PRKAG2: variants seen among roughly 807,000 people sequenced by gnomAD.
The protein encoded by PRKAG2 is protein kinase AMP-activated non-catalytic subunit gamma 2, also known as 5'-AMP-activated protein kinase subunit gamma-2.
PRKAG2 carries 26 observed loss-of-function variants against 69.6 expected under a neutral mutation model. The ratio of observed to expected loss-of-function variants is 0.37; its 90% CI spans 0.27 to 0.52. PRKAG2 has a LOEUF of 0.52. Ranked by LOEUF, PRKAG2 falls within the 20% of genes least tolerant of loss-of-function variation. The probability of loss-of-function intolerance (pLI) is 0.90; values close to 1 mark genes in which losing one functional copy is unlikely to be tolerated. For missense variants in PRKAG2, 557 were observed against 740.0 expected (o/e 0.75, Z 2.87); for synonymous variants, 293 against 285.0 (o/e 1.03, Z -0.28).
At chr7:151,603,619 G>A (rs1005031776) in intron 5 of PRKAG2, among the ~76,000 whole-genome samples, 1 of 150,104 alleles carries the variant, frequency 6.7e-6, no homozygotes, top group African/African-American at 2.5e-5. Context: ...CGTCCTCACC[G>A]CACACGGAGG....
intron 3 of PRKAG2, among the ~76,000 whole-genome samples, chr7:151,694,211 A>G (rs751826505): frequency 6.6e-5 from 10 of 152,368 alleles, no homozygotes; most frequent in Admixed American, 4.6e-4. Context: ...AGTCTATGGT[A>G]TGATTACGGC....
chr7:151,649,469 T>C (rs1374743859), intron 4 of PRKAG2, among the ~76,000 whole-genome samples: 2 of 152,124 alleles, frequency 1.3e-5, no homozygotes, highest in Non-Finnish European at 2.9e-5. Context: ...GAAAAATTAG[T>C]GTGTACCAAC....
At chr7:151,640,993 C>T (rs1826571020) in intron 4 of PRKAG2, among the ~76,000 whole-genome samples, 3 of 152,208 alleles carry the variant, frequency 2.0e-5, no homozygotes, top group Non-Finnish European at 1.5e-5. Flanking sequence ...TTTACTCATG[C>T]TTCCCTTGGA....
chr7:151,872,125 T>A (rs534068812), intron 1 of PRKAG2, among the ~76,000 whole-genome samples: 1 of 152,284 alleles, frequency 6.6e-6, no homozygotes, highest in South Asian at 2.1e-4. Flanking sequence ...ACCAGACTCA[T>A]CATTTCCCCC....
chr7:151,604,671 A>C (rs1040040527), intron 5 of PRKAG2, among the ~76,000 whole-genome samples: 1 of 152,070 alleles, frequency 6.6e-6, no homozygotes, highest in African/African-American at 2.4e-5. Flanking sequence ...CACACACCCC[A>C]ACAATGTATT....
rs55660204 is a variant in PRKAG2, at chr7:151,875,562, G to GGTGTGTGTGTGTGTGTGTGTGT, written c.114+923_114+944dup. Among the ~76,000 whole-genome samples, 52 of 131,386 alleles carry GGTGTGTGTGTGTGTGTGTGTGT rather than the reference G, an allele frequency of 4.0e-4. 1 individual carries two copies. Among genetic ancestry groups the GGTGTGTGTGTGTGTGTGTGTGT allele is most frequent in the East Asian group, 3.2e-3 (12 of 3,794 alleles). 86.2% of individuals were successfully genotyped at this position (131,386 alleles called of 152,430 possible). A position where few individuals can be genotyped will look rare whatever the true frequency, so the allele number is the denominator to read the frequency against. On this transcript the variant is annotated intron_variant, in intron 1 of 15. Coordinates refer to ENST00000287878, the MANE Select transcript of PRKAG2 (RefSeq NM_016203.4). ...AATAACTTTCTCTACGGAGCACTCT[G>GGTGTGTGTGTGTGTGTGTGTGT]GTGTGTGTGTGTGTGTGTGTGTGTG...
At chr7:151,653,565 G>A (rs568946665) in intron 4 of PRKAG2, among the ~76,000 whole-genome samples, 2 of 152,188 alleles carry the variant, frequency 1.3e-5, no homozygotes, top group African/African-American at 2.4e-5. Context: ...CTTGGGGCTG[G>A]GTGCAGTGGC....
intron 4 of PRKAG2, among the ~76,000 whole-genome samples, chr7:151,633,961 G>A (rs1028612380): frequency 2.0e-5 from 3 of 152,034 alleles, no homozygotes; most frequent in East Asian, 1.9e-4. Context: ...ACGGAGTCTC[G>A]CTCTGTCACC....
Position 151,638,027 on chromosome 7 carries a change from G to T in PRKAG2, c.685-5889C>A, listed in dbSNP as rs888656478. On this transcript the variant is annotated intron_variant, in intron 4 of 15. Coordinates refer to ENST00000287878, the MANE Select transcript of PRKAG2 (RefSeq NM_016203.4). The surrounding 1 kb of genome is among the most constrained non-coding windows in gnomAD (Gnocchi z 4.3). ...ACTTGTGACACCGACTCCTCTCTCA[G>T]TCCATCAGCATCAGGGATGTTTGAT... 2.0e-5 allele frequency among the ~76,000 whole-genome samples: 3 copies of T among 152,172 alleles called. No homozygotes were observed. Among genetic ancestry groups the T allele is most frequent in the Non-Finnish European group, 4.4e-5 (3 of 68,030 alleles).
intron 3 of PRKAG2, among the ~76,000 whole-genome samples, chr7:151,772,652 C>T (rs1037553300): frequency 3.9e-5 from 6 of 152,140 alleles, no homozygotes; most frequent in African/African-American, 1.4e-4. Flanking sequence ...AGGTACATTA[C>T]TTAAAACACT....
chr7:151,845,366 C>T (rs890181227), intron 1 of PRKAG2, among the ~76,000 whole-genome samples: 1 of 152,158 alleles, frequency 6.6e-6, no homozygotes, highest in Non-Finnish European at 1.5e-5. Context: ...GTCCTCAGAG[C>T]GTGGTTCCCG....
chr7:151,793,102 G>A (rs143323914), intron 1 of PRKAG2, among the ~76,000 whole-genome samples: 26 of 152,300 alleles, frequency 1.7e-4, no homozygotes, highest in African/African-American at 6.0e-4. Context: ...CCACTGAAGC[G>A]GACAACAATA....
At chr7:151,860,975 C>G (rs1245235150) in intron 1 of PRKAG2, among the ~76,000 whole-genome samples, 1 of 152,136 alleles carries the variant, frequency 6.6e-6, no homozygotes, top group Admixed American at 6.5e-5. Context: ...CCCGCCACCT[C>G]AACTCTCTGC....
At chr7:151,857,362 C>T (rs1455296250) in intron 1 of PRKAG2, among the ~76,000 whole-genome samples, 3 of 142,354 alleles carry the variant, frequency 2.1e-5, no homozygotes, top group Non-Finnish European at 4.5e-5. Context: ...TGAGAGGGGG[C>T]TGTGCCCAAG....
At chr7:151,723,158 T>C (rs1797386461) in intron 3 of PRKAG2, among the ~76,000 whole-genome samples, 2 of 152,180 alleles carry the variant, frequency 1.3e-5, no homozygotes, top group African/African-American at 4.8e-5. Flanking sequence ...GAATCAGTGT[T>C]CTGTCACCTC....
chr7:151,709,621 C>T (rs1839223500), intron 3 of PRKAG2, among the ~76,000 whole-genome samples: 1 of 152,084 alleles, frequency 6.6e-6, no homozygotes, highest in Non-Finnish European at 1.5e-5. Context: ...ACGAGTGACA[C>T]TGACACATGT....
At chr7:151,863,135 G>A (rs1265609170) in intron 1 of PRKAG2, among the ~76,000 whole-genome samples, 1 of 151,292 alleles carries the variant, frequency 6.6e-6, no homozygotes. Context: ...CGGGTACAGG[G>A]GGCACTGGTA....
chr7:151,855,191 C>G lies in PRKAG2; in HGVS notation c.114+21316G>C, dbSNP rs367554980. Among the ~76,000 whole-genome samples, 9 of 95,218 alleles carry G rather than the reference C, an allele frequency of 9.5e-5. No homozygotes were observed. In the East Asian group the frequency reaches 1.2e-3, roughly 12 times the overall value. 62.5% of individuals were successfully genotyped at this position (95,218 alleles called of 152,430 possible). ...ACACACCACCCTCCACACACACCAC[C>G]CTCCACACACACCACCCTCCACACA... is the stretch of plus-strand genomic sequence containing the variant. On this transcript the variant is annotated intron_variant, in intron 1 of 15. Coordinates refer to ENST00000287878, the MANE Select transcript of PRKAG2 (RefSeq NM_016203.4).
chr7:151,800,139 T>C (rs550735054), intron 1 of PRKAG2, among the ~76,000 whole-genome samples: 27 of 151,852 alleles, frequency 1.8e-4, no homozygotes, highest in Non-Finnish European at 2.9e-4. Flanking sequence ...GGGCGGATCA[T>C]GAGGTCAGGA....
Sources: allele counts gnomAD v4.1 joint callset (sites outside exome capture counted in the v4.1 genomes callset), GRCh38; gene constraint gnomAD v4.1.1; non-coding constraint Gnocchi (gnomAD v3.1); transcripts MANE v1.5; gene names NCBI Gene and HGNC (gene_info 2026-07-23, HGNC 2026-07-21).